The following CDH12 variants were observed in gnomAD, a reference collection of about 807,000 sequenced individuals.
The protein encoded by CDH12 is cadherin-12.
A neutral mutation model predicts 74.1 loss-of-function variants in CDH12; 41 were observed. The ratio of observed to expected loss-of-function variants is 0.55; its 90% CI spans 0.43 to 0.72. The LOEUF (loss-of-function observed/expected upper bound fraction) is 0.72. Ranked by LOEUF, CDH12 falls within the 30% of genes least tolerant of loss-of-function variation. The pLI, the probability that CDH12 is intolerant of heterozygous loss-of-function variation, is 0.00. For missense variants in CDH12, 945 were observed against 977.2 expected (o/e 0.97, Z 0.44); for synonymous variants, 399 against 355.0 (o/e 1.12, Z -1.39).
intron 5 of CDH12, among the ~76,000 whole-genome samples, chr5:22,043,689 A>G (rs1439560485): frequency 6.6e-6 from 1 of 151,792 alleles, no homozygotes; most frequent in Non-Finnish European, 1.5e-5. Flanking sequence ...TGTATAGAAA[A>G]TCCCAAAAAC....
At chr5:22,128,042 C>T (rs1239548956) in intron 4 of CDH12, among the ~76,000 whole-genome samples, 3 of 151,956 alleles carry the variant, frequency 2.0e-5, no homozygotes, top group Non-Finnish European at 4.4e-5. Context: ...CTGTTCATTA[C>T]ACTTAGTTTC....
intron 9 of CDH12, among the ~76,000 whole-genome samples, chr5:21,811,259 C>G (rs573046488): frequency 6.6e-6 from 1 of 152,042 alleles, no homozygotes; most frequent in Non-Finnish European, 1.5e-5. Context: ...TAAACAGTTT[C>G]TAAGAGAAAG....
chr5:21,948,039 C>G (rs529585967), intron 6 of CDH12, among the ~76,000 whole-genome samples: 8 of 152,208 alleles, frequency 5.3e-5, no homozygotes, highest in Non-Finnish European at 8.8e-5. Context: ...GTGTGGAAAC[C>G]TCTGCCTAGA....
chr5:22,253,212 A>AT (rs1440389910), intron 3 of CDH12, among the ~76,000 whole-genome samples: 1 of 151,912 alleles, frequency 6.6e-6, no homozygotes. Context: ...TAATTATGAC[A>AT]TTTTAATAAT....
At chr5:22,011,737 CA>C (rs780389184) in intron 5 of CDH12, among the ~76,000 whole-genome samples, 1 of 151,942 alleles carries the variant, frequency 6.6e-6, no homozygotes, top group Non-Finnish European at 1.5e-5. Flanking sequence ...TTATAAGGCA[CA>C]AAGTCTTACT....
chr5:22,520,083 G>A (rs1736985368), intron 1 of CDH12, among the ~76,000 whole-genome samples: 1 of 151,994 alleles, frequency 6.6e-6, no homozygotes, highest in Admixed American at 6.6e-5. Context: ...AGATTTTGGA[G>A]CAGAAACAAG....
intron 1 of CDH12, among the ~76,000 whole-genome samples, chr5:22,605,203 A>G (rs1265921071): frequency 6.6e-6 from 1 of 152,208 alleles, no homozygotes; most frequent in Non-Finnish European, 1.5e-5. Context: ...CCTCAGCTGT[A>G]CTGTGCACTC....
At chr5:22,105,693 G>C (rs973118808) in intron 4 of CDH12, among the ~76,000 whole-genome samples, 2 of 149,046 alleles carry the variant, frequency 1.3e-5, no homozygotes, top group Admixed American at 1.3e-4. Context: ...GCAATATTCT[G>C]TTAAAAAATA....
chr5:22,846,201 G>A (rs1737293254), intron 1 of CDH12, among the ~76,000 whole-genome samples: 1 of 152,144 alleles, frequency 6.6e-6, no homozygotes, highest in Admixed American at 6.6e-5. Context: ...TATTTAGGGT[G>A]CGGTAAAGAG....
At chr5:22,529,599 C>T (rs941544318) in intron 1 of CDH12, among the ~76,000 whole-genome samples, 1 of 152,056 alleles carries the variant, frequency 6.6e-6, no homozygotes, top group Non-Finnish European at 1.5e-5. Context: ...TATACTCGGT[C>T]TATTTATTAG....
intron 5 of CDH12, among the ~76,000 whole-genome samples, chr5:22,005,715 T>C (rs1449750622): frequency 2.0e-5 from 3 of 152,180 alleles, no homozygotes; most frequent in African/African-American, 7.2e-5. Context: ...ACACTGCAAA[T>C]ATACCCAAAC....
chr5:22,171,022 C>CT (rs1484916745), intron 4 of CDH12, among the ~76,000 whole-genome samples: 3 of 151,754 alleles, frequency 2.0e-5, no homozygotes, highest in Admixed American at 1.3e-4. Context: ...ATACTTGGGT[C>CT]TTTTTGCCAG....
chr5:22,558,322 G>A (rs1407741069), intron 1 of CDH12, among the ~76,000 whole-genome samples: 3 of 152,096 alleles, frequency 2.0e-5, no homozygotes, highest in East Asian at 1.9e-4. Context: ...CAGATATCAG[G>A]AAACCTAACA....
At chr5:22,335,428 A>G (rs1031702647) in intron 3 of CDH12, among the ~76,000 whole-genome samples, 5 of 152,098 alleles carry the variant, frequency 3.3e-5, no homozygotes, top group African/African-American at 1.2e-4. Flanking sequence ...TACTAAAAAT[A>G]CAAAGAATTG....
At chr5:22,017,344 G>A (rs1737669926) in intron 5 of CDH12, among the ~76,000 whole-genome samples, 1 of 152,088 alleles carries the variant, frequency 6.6e-6, no homozygotes, top group Admixed American at 6.6e-5. Context: ...GCAACCACAA[G>A]TGTAGTAGCA....
intron 1 of CDH12, among the ~76,000 whole-genome samples, chr5:22,795,771 T>C (rs1748169791): frequency 6.6e-6 from 1 of 151,626 alleles, no homozygotes; most frequent in Non-Finnish European, 1.5e-5. Flanking sequence ...ATTCCATATA[T>C]GGAATCATGT....
chr5:22,316,867 A>G (rs1056567871), intron 3 of CDH12, among the ~76,000 whole-genome samples: 1 of 152,178 alleles, frequency 6.6e-6, no homozygotes, highest in Non-Finnish European at 1.5e-5. Flanking sequence ...AATGGGTTAC[A>G]TAATTTATTA....
chr5:22,331,498 C>A (rs544796570), intron 3 of CDH12, among the ~76,000 whole-genome samples: 3 of 152,294 alleles, frequency 2.0e-5, no homozygotes, highest in South Asian at 2.1e-4. Flanking sequence ...TCTACAAAAA[C>A]CACATCATTA....
chr5:22,056,042 C>T (rs1740718465), intron 5 of CDH12, among the ~76,000 whole-genome samples: 1 of 151,882 alleles, frequency 6.6e-6, no homozygotes, highest in African/African-American at 2.4e-5. Context: ...TAAAAGTTTA[C>T]TATATATTTG....
Sources: allele counts gnomAD v4.1 joint callset (sites outside exome capture counted in the v4.1 genomes callset), GRCh38; gene constraint gnomAD v4.1.1; transcripts MANE v1.5; gene names NCBI Gene and HGNC (gene_info 2026-07-23, HGNC 2026-07-21).